Variants in MGAT4C observed in about 807,000 individuals in gnomAD.
MGAT4C encodes alpha-1,3-mannosyl-glycoprotein 4-beta-N-acetylglucosaminyltransferase C.
In MGAT4C, 19 loss-of-function variants were observed where a neutral mutation model predicts 40.1. The ratio of observed to expected loss-of-function variants is 0.47; its 90% CI spans 0.33 to 0.70. MGAT4C has a LOEUF of 0.70. Ranked by LOEUF, MGAT4C falls within the 30% of genes least tolerant of loss-of-function variation. MGAT4C has a pLI of 0.02. For synonymous variants in MGAT4C, 181 were observed against 187.1 expected (o/e 0.97, Z 0.27); for missense variants, 491 against 563.2 (o/e 0.87, Z 1.30).
intron 1 of MGAT4C, among the ~76,000 whole-genome samples, chr12:86,120,707 A>G (rs950263573): frequency 3.3e-5 from 5 of 152,252 alleles, no homozygotes; most frequent in Non-Finnish European, 5.9e-5. Context: ...ACTAACAAAC[A>G]GAAAGGACAT....
intron 2 of MGAT4C, among the ~76,000 whole-genome samples, chr12:86,464,578 G>C (rs991754095): frequency 6.6e-6 from 1 of 152,014 alleles, no homozygotes; most frequent in Admixed American, 6.6e-5. Flanking sequence ...TGTTCTTAGA[G>C]CATATATTTA....
intron 2 of MGAT4C, among the ~76,000 whole-genome samples, chr12:86,523,500 C>G (rs1044120588): frequency 3.3e-5 from 5 of 152,116 alleles, no homozygotes; most frequent in African/African-American, 1.2e-4. Flanking sequence ...GAAGGTTTTA[C>G]TTCCAACCAC....
intron 1 of MGAT4C, among the ~76,000 whole-genome samples, chr12:86,069,955 C>T (rs1894920318): frequency 6.6e-6 from 1 of 152,006 alleles, no homozygotes; most frequent in Non-Finnish European, 1.5e-5. Context: ...AAACAGTTGC[C>T]AATTACAATG....
At chr12:86,670,675 G>T (rs920385386) in intron 2 of MGAT4C, among the ~76,000 whole-genome samples, 35 of 152,216 alleles carry the variant, frequency 2.3e-4, no homozygotes, top group African/African-American at 8.4e-4. Context: ...CTCTAATCTT[G>T]CTAGAGACTT....
At chr12:86,122,069 A>C (rs1261191225) in intron 1 of MGAT4C, among the ~76,000 whole-genome samples, 3 of 152,198 alleles carry the variant, frequency 2.0e-5, no homozygotes, top group Non-Finnish European at 4.4e-5. Flanking sequence ...AAATAACTAT[A>C]GTCATCAAAC....
intron 2 of MGAT4C, among the ~76,000 whole-genome samples, chr12:86,569,559 T>C (rs1027731934): frequency 2.0e-5 from 3 of 152,174 alleles, no homozygotes; most frequent in African/African-American, 2.4e-5. Context: ...TTGGTGAAGA[T>C]GTAAAGGGAA....
At chr12:86,062,390 C>G (rs1305669943) in intron 1 of MGAT4C, among the ~76,000 whole-genome samples, 1 of 152,034 alleles carries the variant, frequency 6.6e-6, no homozygotes, top group Non-Finnish European at 1.5e-5. Context: ...CATCAAAGAT[C>G]AAAGGTAGAT....
chr12:86,774,281 C>CTCTTTCTTTCTTTCTCTTTCTT (rs1951693105), intron 1 of MGAT4C, among the ~76,000 whole-genome samples: 9 of 58,934 alleles, frequency 1.5e-4, no homozygotes, highest in African/African-American at 5.8e-4. Context: ...CTAAGGCTTG[C>CTCTTTCTTTCTTTCTCTTTCTT]TCTTTCTTTC....
At chr12:86,531,276 A>G (rs1592957074) in intron 2 of MGAT4C, among the ~76,000 whole-genome samples, 1 of 152,040 alleles carries the variant, frequency 6.6e-6, no homozygotes, top group Non-Finnish European at 1.5e-5. Context: ...TGAAAATCCA[A>G]ATTAGATTAT....
At chr12:86,666,113 G>A (rs1475620365) in intron 2 of MGAT4C, among the ~76,000 whole-genome samples, 1 of 152,106 alleles carries the variant, frequency 6.6e-6, no homozygotes, top group South Asian at 2.1e-4. Flanking sequence ...ATGCAATTTT[G>A]ATTAAAGCAC....
intron 2 of MGAT4C, among the ~76,000 whole-genome samples, chr12:86,712,057 C>A (rs1042501821): frequency 6.6e-6 from 1 of 152,012 alleles, no homozygotes; most frequent in African/African-American, 2.4e-5. Context: ...CCTGCATATA[C>A]AATAAACCCT....
At chr12:86,787,758 T>C (rs1002580863) in intron 1 of MGAT4C, among the ~76,000 whole-genome samples, 1 of 152,170 alleles carries the variant, frequency 6.6e-6, no homozygotes, top group African/African-American at 2.4e-5. Flanking sequence ...CTTTGTACAT[T>C]GTTTTTCAGG....
intron 1 of MGAT4C, among the ~76,000 whole-genome samples, chr12:86,781,624 T>TTA (rs1258405097): frequency 6.6e-6 from 1 of 152,016 alleles, no homozygotes; most frequent in Non-Finnish European, 1.5e-5. Context: ...TTCTAGACAC[T>TTA]TACGGTGGCC....
intron 2 of MGAT4C, among the ~76,000 whole-genome samples, chr12:86,032,140 C>CA (rs1415040288): frequency 6.6e-6 from 1 of 151,880 alleles, no homozygotes; most frequent in African/African-American, 2.4e-5. Flanking sequence ...TATATATCTA[C>CA]CACGTTTTCT....
intron 1 of MGAT4C, among the ~76,000 whole-genome samples, chr12:86,143,884 A>C (rs948719297): frequency 1.3e-5 from 2 of 152,244 alleles, no homozygotes; most frequent in Non-Finnish European, 2.9e-5. Flanking sequence ...GGGTAGAGAA[A>C]TAAAAAGAAC....
At chr12:86,683,724 T>C (rs1197292764) in intron 2 of MGAT4C, among the ~76,000 whole-genome samples, 2 of 152,200 alleles carry the variant, frequency 1.3e-5, no homozygotes. Flanking sequence ...TGAGAATTTC[T>C]CCCCACGTTT....
intron 3 of MGAT4C, among the ~76,000 whole-genome samples, chr12:86,339,144 T>A (rs1409148255): frequency 1.3e-5 from 2 of 151,890 alleles, no homozygotes; most frequent in East Asian, 1.9e-4. Flanking sequence ...GATGAAAAAA[T>A]TGGAGCACAA....
chr12:86,687,157 G>T (rs1950087800), intron 2 of MGAT4C, among the ~76,000 whole-genome samples: 1 of 152,080 alleles, frequency 6.6e-6, no homozygotes, highest in African/African-American at 2.4e-5. Flanking sequence ...TTCTTTGATG[G>T]TCTTTTGTAT....
intron 2 of MGAT4C, among the ~76,000 whole-genome samples, chr12:86,511,457 T>G (rs1410240237): frequency 6.6e-6 from 1 of 152,190 alleles, no homozygotes; most frequent in African/African-American, 2.4e-5. Context: ...TTTCTTAATT[T>G]TCTTCCAGAT....
Sources: allele counts gnomAD v4.1 joint callset (sites outside exome capture counted in the v4.1 genomes callset), GRCh38; gene constraint gnomAD v4.1.1; transcripts MANE v1.5; gene names NCBI Gene and HGNC (gene_info 2026-07-23, HGNC 2026-07-21).